TMEM63C: variants seen among roughly 807,000 people sequenced by gnomAD.
The protein encoded by TMEM63C is osmosensitive cation channel TMEM63C.
Under a neutral mutation model 99.2 loss-of-function variants are expected in TMEM63C, and 32 were observed. That is an observed-to-expected ratio of 0.32 (90% CI 0.24 to 0.43). The LOEUF (loss-of-function observed/expected upper bound fraction) is 0.43, where lower values mean the gene tolerates loss of function less well. Among genes scored for constraint, TMEM63C ranks in the 20% least tolerant of loss-of-function variants. The pLI is 1.00. For missense variants in TMEM63C, 826 were observed against 1,053.0 expected (o/e 0.78, Z 2.98); for synonymous variants, 376 against 397.9 (o/e 0.94, Z 0.66).
At chr14:77,220,177 G>C in intron 5 of TMEM63C, 90 bp downstream of exon 5, 1 of 1,282,670 alleles carries the variant, frequency 7.8e-7, no homozygotes, top group Non-Finnish European at 1.1e-6. Context: ...CTTAGACCTT[G>C]GGGCTTTGTA....
intron 9 of TMEM63C, among the ~76,000 whole-genome samples, chr14:77,237,757 G>T (rs966083939): frequency 2.1e-5 from 1 of 47,684 alleles, no homozygotes; most frequent in Non-Finnish European, 7.4e-5. Flanking sequence ...GATGACTGAC[G>T]GGGGGCCACG....
chr14:77,253,218 C>A, intron 22 of TMEM63C, 87 bp from the exon 23 acceptor site: 2 of 1,227,320 alleles, frequency 1.6e-6, no homozygotes, highest in Non-Finnish European at 2.4e-6. Context: ...TGGTGAGAAG[C>A]CCAGGTGTGG....
chr14:77,248,995 G>A (rs1889312861), intron 20 of TMEM63C, 123 bp downstream of exon 20: 8 of 990,906 alleles, frequency 8.1e-6, no homozygotes, highest in Non-Finnish European at 1.3e-5. Flanking sequence ...AGGGGTCAGG[G>A]CCAGGGCCAA....
intron 2 of TMEM63C, among the ~76,000 whole-genome samples, chr14:77,218,503 A>G (rs1169495910): frequency 6.6e-6 from 1 of 152,228 alleles, no homozygotes; most frequent in Non-Finnish European, 1.5e-5. Context: ...AACTGGAAAA[A>G]TGCACATTTG....
intron 1 of TMEM63C, chr14:77,196,161 G>A (rs1566616631): frequency 6.6e-6 from 1 of 152,528 alleles, no homozygotes; most frequent in Non-Finnish European, 1.5e-5. Context: ...CTGATCAAGA[G>A]GAGGGAAGGT....
At chr14:77,223,124 G>T (rs1040371258) in intron 5 of TMEM63C, among the ~76,000 whole-genome samples, 2 of 152,148 alleles carry the variant, frequency 1.3e-5, no homozygotes, top group Non-Finnish European at 2.9e-5. Context: ...TCTCTTGAAG[G>T]CTTCCTGGAT....
At chr14:77,202,513 G>A (rs1888315618) in intron 1 of TMEM63C, among the ~76,000 whole-genome samples, 1 of 152,206 alleles carries the variant, frequency 6.6e-6, no homozygotes, top group African/African-American at 2.4e-5. Flanking sequence ...ACCTAGGGGA[G>A]CATCCTTACT....
At chr14:77,202,861 ACACACG>A (rs1566618341) in intron 1 of TMEM63C, among the ~76,000 whole-genome samples, 1 of 70,396 alleles carries the variant, frequency 1.4e-5, no homozygotes, top group Non-Finnish European at 4.1e-5. Flanking sequence ...ACACACACAC[ACACACG>A]CACACACACC....
chr14:77,242,638 A>C (rs1889197673), intron 14 of TMEM63C, among the ~76,000 whole-genome samples, 169 bp downstream of exon 14: 1 of 152,134 alleles, frequency 6.6e-6, no homozygotes, highest in Non-Finnish European at 1.5e-5. Flanking sequence ...ACTCATTCCC[A>C]CAAGTGTGGG....
intron 14 of TMEM63C, 83 bp downstream of exon 14, chr14:77,242,552 G>C (rs906761544): frequency 1.3e-6 from 2 of 1,542,320 alleles, no homozygotes; most frequent in African/African-American, 2.7e-5. Flanking sequence ...CTCTCCCCAT[G>C]TCATTGCCCA....
intron 1 of TMEM63C, among the ~76,000 whole-genome samples, chr14:77,185,374 A>G (rs373262794): frequency 2.5e-4 from 38 of 152,258 alleles, no homozygotes; most frequent in African/African-American, 8.7e-4. Flanking sequence ...CCTCCCCATT[A>G]CTGAGTGGCC....
In TMEM63C at chr14:77,242,480, T is replaced by C; in HGVS notation, c.1187+11T>C. On this transcript the variant is annotated intron_variant, in intron 14 of 23. Coordinates refer to ENST00000298351, the MANE Select transcript of TMEM63C (RefSeq NM_020431.4). ...CAAAGACATTATTTGGTAAGCCTCCTCCATCCCTCCCCTCTCCTCTGAGCT... is the reference window on the plus strand; with the variant it reads ...CAAAGACATTATTTGGTAAGCCTCCCCCATCCCTCCCCTCTCCTCTGAGCT... 6.2e-7 allele frequency: 1 copy of C among 1,612,848 alleles called. No homozygotes were observed.
intron 3 of TMEM63C, among the ~76,000 whole-genome samples, 151 bp downstream of exon 3, chr14:77,219,114 C>G (rs978607): frequency 0.83 from 126,153 of 152,274 alleles, 52,555 homozygotes; most frequent in South Asian, 0.91. Flanking sequence ...AGGGTGGCCC[C>G]GGTAGGTGGG....
chr14:77,250,088 G>T (rs8003177), intron 21 of TMEM63C, among the ~76,000 whole-genome samples: 32,726 of 152,176 alleles, frequency 0.22, 4,611 homozygotes, highest in African/African-American at 0.4. Flanking sequence ...CCTGGCCTAG[G>T]CCTCCCAAAG....
intron 13 of TMEM63C, among the ~76,000 whole-genome samples, chr14:77,240,896 G>A (rs1277726714): frequency 6.6e-6 from 1 of 150,836 alleles, no homozygotes; most frequent in Non-Finnish European, 1.5e-5. Flanking sequence ...TCCCTCTTCT[G>A]CCCTTGACAA....
At chr14:77,233,586 G>T in intron 8 of TMEM63C, 86 bp downstream of exon 8, 2 of 1,418,318 alleles carry the variant, frequency 1.4e-6, no homozygotes, top group Non-Finnish European at 9.8e-7. Context: ...TGCAACATGG[G>T]CAGCGTTTTG....
rs1225621149 is a variant in TMEM63C at position 77,240,502 on chromosome 14, C to G, written c.958C>G (p.Leu320Val). Residue 320 changes from leucine to valine, a missense_variant, in exon 13 of 24, where the codon CTA becomes GTA. Physicochemically the swap from Leu to Val is conservative, Grantham distance 32. Coordinates refer to ENST00000298351, the MANE Select transcript of TMEM63C (RefSeq NM_020431.4). ...GGATGCAGAGCAGTATTACAGCGAG[C>G]TAGAGGAGCAGCTAACGGACGAGTT... ...EVDAEQYYSE[L>V]EEQLTDEFNA... 1 of 1,611,370 alleles carries G rather than the reference C, an allele frequency of 6.2e-7. No homozygotes were observed. The highest frequency in any genetic ancestry group is 1.7e-5 in the Admixed American group (1 of 59,972).
At position 77,256,851 on chromosome 14, in the gene TMEM63C, G is replaced by A. The variant is rs1286962472; in HGVS notation, c.*125G>A. 2.3e-6 allele frequency: 2 copies of A among 869,656 alleles called. No individual in the cohort carries two copies. Among genetic ancestry groups the A allele is most frequent in the Admixed American group, 2.7e-5 (1 of 36,888 alleles). 53.9% of individuals were successfully genotyped at this position (869,656 alleles called of 1,614,324 possible). ...CAGACTTTGAGAAGCCCACAGTGGA[G>A]ACATCCACCACCCCAGCCATGGGCC... On this transcript the variant is annotated 3_prime_UTR_variant, in exon 24 of 24. Coordinates refer to ENST00000298351, the MANE Select transcript of TMEM63C (RefSeq NM_020431.4).
chr14:77,187,219 C>T (rs549854179), intron 1 of TMEM63C, among the ~76,000 whole-genome samples: 3 of 152,334 alleles, frequency 2.0e-5, no homozygotes, highest in South Asian at 2.1e-4. Context: ...ATCTGTGTGC[C>T]GTCCTCCCAA....
Sources: allele counts gnomAD v4.1 joint callset (sites outside exome capture counted in the v4.1 genomes callset), GRCh38; gene constraint gnomAD v4.1.1; transcripts MANE v1.5; gene names NCBI Gene and HGNC (gene_info 2026-07-23, HGNC 2026-07-21).